The following DRD3 variants were observed in gnomAD, a reference collection of about 807,000 sequenced individuals.
The protein encoded by DRD3 is dopamine receptor D3, also known as D(3) dopamine receptor.
DRD3 carries 19 observed loss-of-function variants against 36.3 expected under a neutral mutation model. That is an observed-to-expected ratio of 0.52 (90% CI 0.36 to 0.77). The LOEUF (loss-of-function observed/expected upper bound fraction) is 0.77. Ranked by LOEUF, DRD3 falls within the 30% of genes least tolerant of loss-of-function variation. DRD3 has a pLI of 0.00. For synonymous variants in DRD3, 195 were observed against 203.7 expected, an observed-to-expected ratio of 0.96 and a Z score of 0.36; for missense variants, 465 against 505.3, an observed-to-expected ratio of 0.92 and a Z score of 0.77.
At position 114,147,550 on chromosome 3, in the gene DRD3, C is replaced by T. The variant is rs2077580163; in HGVS notation, c.391G>A (p.Ala131Thr). ...TGGTAGTGAACGGGCATGACCACTG[C>T]AGTGTACCTGAAAAAGCAAGGGGAG... ...LCAISIDRYT[A>T]VVMPVHYQHG... The change falls in exon 4 of 7, where the codon GCA becomes ACA. Residue 131 changes from alanine (A) to threonine (T), a missense_variant. By Grantham distance (58) the Ala-to-Thr change is moderately conservative (BLOSUM62 0). Coordinates refer to ENST00000383673, the MANE Select transcript of DRD3 (RefSeq NM_000796.6). 1 of 1,609,068 alleles carries T rather than the reference C, an allele frequency of 6.2e-7. No homozygotes were observed. The highest frequency in any genetic ancestry group is 1.3e-5 in the African/African-American group (1 of 74,776).
rs189860646 is a variant in DRD3 at position 114,161,795 on chromosome 3, C to T, written c.271-1928G>A. 4.0e-3 allele frequency among the ~76,000 whole-genome samples: 602 copies of T among 152,318 alleles called. 5 individuals carry two copies. Among genetic ancestry groups the T allele is most frequent in the Non-Finnish European group, 6.8e-3 (463 of 68,026 alleles). ...CAAGAGAATAAAAGAAGGTTTTCTT[C>T]ATTACATAGGACAGTTGCATACTGT... On this transcript the variant is annotated intron_variant, in intron 2 of 6. Coordinates refer to ENST00000383673, the MANE Select transcript of DRD3 (RefSeq NM_000796.6).
upstream of DRD3, among the ~76,000 whole-genome samples, chr3:114,181,460 C>A (rs2077947344): frequency 6.6e-6 from 1 of 152,214 alleles, no homozygotes; most frequent in Admixed American, 6.5e-5. Flanking sequence ...CAACAACAAA[C>A]AATTTTATTC....
chr3:114,131,392 A>G lies in DRD3; in HGVS notation c.732T>C (p.Ser244=), dbSNP rs2077429900. 6.2e-7 allele frequency: 1 copy of G among 1,612,788 alleles called. No individual in the cohort carries two copies. The highest frequency in any genetic ancestry group is 8.5e-7 in the Non-Finnish European group (1 of 1,179,028). The part of the protein sequence containing the change: ...VRPGFPQQTL[S]PDPAHLELKR... ...TCAGCTCCAGATGTGCCGGGTCAGGAGAGAGGGTCTGCAGGTGTGACAAGA... is the reference window on the plus strand; with the variant it reads ...TCAGCTCCAGATGTGCCGGGTCAGGGGAGAGGGTCTGCAGGTGTGACAAGA... The change falls in exon 6 of 7, where the codon TCT becomes TCC. Residue 244 remains serine, a synonymous_variant. Transcript: ENST00000383673.
intron 1 of DRD3, among the ~76,000 whole-genome samples, chr3:114,173,955 C>G (rs2077872712): frequency 6.6e-6 from 1 of 152,008 alleles, no homozygotes; most frequent in Non-Finnish European, 1.5e-5. Flanking sequence ...CATTTTGTAC[C>G]TCACTTTGAA....
intron 6 of DRD3, 115 bp from the exon 7 acceptor site, chr3:114,129,027 G>T: frequency 8.7e-7 from 1 of 1,149,508 alleles, no homozygotes; most frequent in African/African-American, 1.5e-5. Flanking sequence ...TGGAAGTTTT[G>T]CATACCCACT....
chr3:114,181,262 C>G (rs768040912), upstream of DRD3, among the ~76,000 whole-genome samples: 1 of 152,182 alleles, frequency 6.6e-6, no homozygotes, highest in South Asian at 2.1e-4. Context: ...TAAAATCACA[C>G]ATCTAGGCAG....
chr3:114,194,652 A>T (rs2078027711), intron 1 of DRD3, among the ~76,000 whole-genome samples: 2 of 152,118 alleles, frequency 1.3e-5, no homozygotes. Context: ...GACTTTTCTG[A>T]TCTTACACAA....
chr3:114,149,086 A>T (rs1255013439), intron 3 of DRD3, among the ~76,000 whole-genome samples: 2 of 152,208 alleles, frequency 1.3e-5, no homozygotes, highest in African/African-American at 2.4e-5. Flanking sequence ...CATTCCAGGT[A>T]TTCAGAGGTG....
chr3:114,167,540 AACTTATC>A (rs2077797468), intron 2 of DRD3, among the ~76,000 whole-genome samples: 1 of 152,172 alleles, frequency 6.6e-6, no homozygotes, highest in Non-Finnish European at 1.5e-5. Flanking sequence ...TTTTGTCCTG[AACTTATC>A]TGCCAGGCTT....
Position 114,128,696 on chromosome 3 carries a change from G to T in DRD3, c.*20C>A. 1 of 1,569,256 alleles carries T rather than the reference G, an allele frequency of 6.4e-7. No individual in the cohort carries two copies. Among genetic ancestry groups the T allele is most frequent in the Non-Finnish European group, 8.7e-7 (1 of 1,155,652 alleles). On this transcript the variant is annotated 3_prime_UTR_variant, in exon 7 of 7. Coordinates refer to ENST00000383673, the MANE Select transcript of DRD3 (RefSeq NM_000796.6). ...TGGCAGCTAGAAATGGGTACAAAGA[G>T]TGTTCCCTCTTCTGCTCCCTCAGCA...
At chr3:114,147,918 C>T (rs1446047178) in intron 3 of DRD3, among the ~76,000 whole-genome samples, 4 of 152,080 alleles carry the variant, frequency 2.6e-5, no homozygotes, top group Non-Finnish European at 4.4e-5. Context: ...GGATTACAGG[C>T]GTGAGCCACC....
chr3:114,146,948 T>C (rs1047725867), intron 4 of DRD3, among the ~76,000 whole-genome samples: 1 of 152,124 alleles, frequency 6.6e-6, no homozygotes. Flanking sequence ...GAATCTATAC[T>C]GGTTAGTTCT....
intron 1 of DRD3, among the ~76,000 whole-genome samples, chr3:114,197,277 ATTTT>A (rs58452737): frequency 5.6e-5 from 5 of 89,366 alleles, no homozygotes; most frequent in African/African-American, 1.4e-4. Context: ...AATTAAAAAA[ATTTT>A]TTTTTTTTTT....
chr3:114,155,633 G>GCCA (rs2077659791), intron 3 of DRD3, among the ~76,000 whole-genome samples: 1 of 150,104 alleles, frequency 6.7e-6, no homozygotes, highest in Non-Finnish European at 1.5e-5. Flanking sequence ...CTCTAGGCTT[G>GCCA]GAAAAGGGAG....
intron 6 of DRD3, among the ~76,000 whole-genome samples, chr3:114,129,855 C>T (rs1459493751): frequency 1.3e-5 from 2 of 152,194 alleles, no homozygotes; most frequent in Non-Finnish European, 2.9e-5. Context: ...GTCAGGAATT[C>T]AAGACCAGCC....
intron 2 of DRD3, 97 bp downstream of exon 2, chr3:114,171,626 A>G: frequency 5.0e-6 from 7 of 1,412,804 alleles, no homozygotes; most frequent in Non-Finnish European, 6.6e-6. Flanking sequence ...TCAGTTCCTG[A>G]CTGTCTGGGG....
chr3:114,177,764 G>A (rs1560001166), intron 1 of DRD3, among the ~76,000 whole-genome samples: 1 of 152,128 alleles, frequency 6.6e-6, no homozygotes, highest in Non-Finnish European at 1.5e-5. Flanking sequence ...ATAAATGAGT[G>A]CCGAGTAAGA....
rs1399841975 is a variant in DRD3 at position 114,196,947 on chromosome 3, T to C, written c.-156+2326A>G. ...TATGTCTGTCTTTTTATGCACCTAATAGTCTTTTTTAAATTTATTTTTATT... is the reference window on the plus strand; with the variant it reads ...TATGTCTGTCTTTTTATGCACCTAACAGTCTTTTTTAAATTTATTTTTATT... On this transcript the variant is annotated intron_variant, in intron 1 of 7. Coordinates refer to the DRD3 transcript ENST00000460779. Among the ~76,000 whole-genome samples the C allele has an allele frequency of 7.9e-5, 12 of 151,748 alleles. No homozygotes were observed. The East Asian group carries it at 2.3e-3, about 29-fold the overall frequency.
At chr3:114,164,220 CAAAAAAAAAAAA>C (rs34500434) in intron 2 of DRD3, among the ~76,000 whole-genome samples, 333 of 17,776 alleles carry the variant, frequency 0.019, 6 homozygotes, top group Non-Finnish European at 0.037. Flanking sequence ...GCCTCAGTCT[CAAAAAAAAAAAA>C]AAAAAAAAAA....
Sources: gnomAD v4.1 joint callset for allele counts (sites outside exome capture counted in the v4.1 genomes callset) on GRCh38, gnomAD v4.1.1 for gene constraint, MANE v1.5 for transcripts, NCBI Gene and HGNC (gene_info 2026-07-23, HGNC 2026-07-21) for gene names.